The following ALMS1 variants were observed in gnomAD, a reference collection of about 807,000 sequenced individuals.
The protein encoded by ALMS1 is centrosome-associated protein ALMS1.
A neutral mutation model predicts 352.2 loss-of-function variants in ALMS1; 271 were observed. The ratio of observed to expected loss-of-function variants is 0.77; its 90% CI spans 0.70 to 0.85. The LOEUF (loss-of-function observed/expected upper bound fraction) is 0.85, where lower values mean the gene tolerates loss of function less well. ALMS1 is among the 40% of genes least tolerant of loss of function. ALMS1 has a pLI of 0.00. For synonymous variants in ALMS1, 1,865 were observed against 1,761.2 expected (o/e 1.06, Z -1.48); for missense variants, 5,445 against 4,870.7 (o/e 1.12, Z -3.51).
At chr2:73,454,409 T>C in intron 8 of ALMS1, 2 of 970,074 alleles carry the variant, frequency 2.1e-6, no homozygotes, top group Non-Finnish European at 2.5e-6. Flanking sequence ...CCTAAAGCTA[T>C]CACGTTTCTC....
chr2:73,464,135 A>G (rs1672271312), intron 9 of ALMS1, among the ~76,000 whole-genome samples: 1 of 152,198 alleles, frequency 6.6e-6, no homozygotes, highest in Admixed American at 6.5e-5. Context: ...AGGCAGAGAC[A>G]CAACCAAAAA....
intron 1 of ALMS1, among the ~76,000 whole-genome samples, chr2:73,391,017 C>T (rs544162846): frequency 7.2e-5 from 11 of 152,050 alleles, no homozygotes; most frequent in South Asian, 2.1e-4. Flanking sequence ...GTTATCCACC[C>T]GCCTCGGCCT....
intron 1 of ALMS1, 48 bp from the exon 2 acceptor site, chr2:73,408,574 C>T (rs1671015189): frequency 6.3e-7 from 1 of 1,590,646 alleles, no homozygotes; most frequent in Non-Finnish European, 8.6e-7. Context: ...GTTGTATAAT[C>T]ATAGTGATTG....
chr2:73,476,835 G>A (rs1009343606), intron 9 of ALMS1, among the ~76,000 whole-genome samples: 1 of 152,046 alleles, frequency 6.6e-6, no homozygotes. Context: ...GATACAGTGA[G>A]TCTTTGCCTC....
At chr2:73,522,100 C>T (rs1673693274) in intron 11 of ALMS1, among the ~76,000 whole-genome samples, 1 of 152,198 alleles carries the variant, frequency 6.6e-6, no homozygotes, top group African/African-American at 2.4e-5. Flanking sequence ...TTCCCCTAGA[C>T]AGGCAGTCCA....
rs1366215746 is a variant in ALMS1, at chr2:73,491,286, G to A, written c.9327G>A (p.Gln3109=). The change falls in exon 10 of 23, where the codon CAG becomes CAA. Residue 3109 remains glutamine (Q), a synonymous_variant. Coordinates refer to ENST00000613296, the MANE Select transcript of ALMS1 (RefSeq NM_001378454.1). The stretch of plus-strand genomic sequence containing the variant: ...TATTGACCAGTAAACCTGTAGCACA[G>A]GATCAAGAATCTTTAGGTTTTCTAG... ...SKLLTSKPVA[Q]DQESLGFLGP... is the part of the protein sequence containing the mutation. The A allele has an allele frequency of 1.2e-6, 2 of 1,614,028 alleles. No individual in the cohort carries two copies. The highest frequency in any genetic ancestry group is 1.7e-5 in the Admixed American group (1 of 60,000).
intron 10 of ALMS1, among the ~76,000 whole-genome samples, chr2:73,518,039 G>A (rs376699322): frequency 6.6e-6 from 1 of 150,654 alleles, no homozygotes; most frequent in African/African-American, 2.4e-5. Context: ...ATGGGGGTTT[G>A]TTTTACAGAT....
At chr2:73,575,097 A>G (rs943471461) in intron 16 of ALMS1, among the ~76,000 whole-genome samples, 1 of 152,226 alleles carries the variant, frequency 6.6e-6, no homozygotes, top group Non-Finnish European at 1.5e-5. Flanking sequence ...ACATGTATCA[A>G]TACTTCGTTG....
At chr2:73,596,104 A>C (rs1431096316) in intron 16 of ALMS1, among the ~76,000 whole-genome samples, 1 of 152,240 alleles carries the variant, frequency 6.6e-6, no homozygotes, top group East Asian at 1.9e-4. Flanking sequence ...TTAATACAGT[A>C]ATGATGAAGT....
chr2:73,491,658 T>G (rs1158129023), intron 10 of ALMS1, among the ~76,000 whole-genome samples, 160 bp downstream of exon 10: 1 of 152,064 alleles, frequency 6.6e-6, no homozygotes, highest in East Asian at 2.0e-4. Flanking sequence ...AATAAATGTG[T>G]TAAGTAAGAG....
chr2:73,556,994 G>T (rs755835528), intron 13 of ALMS1, among the ~76,000 whole-genome samples: 1 of 152,228 alleles, frequency 6.6e-6, no homozygotes, highest in South Asian at 2.1e-4. Context: ...GAGCCACCCC[G>T]CCCGGCTTTA....
chr2:73,543,883 G>T (rs189102771), intron 12 of ALMS1, among the ~76,000 whole-genome samples: 2,470 of 152,286 alleles, frequency 0.016, 67 homozygotes, highest in African/African-American at 0.056. Context: ...TGGAGAGGAG[G>T]TGGAGAAATA....
At chr2:73,529,184 C>G (rs757779878) in intron 11 of ALMS1, among the ~76,000 whole-genome samples, 5 of 151,786 alleles carry the variant, frequency 3.3e-5, no homozygotes, top group Non-Finnish European at 7.4e-5. Context: ...GCTGGAACTA[C>G]AGGGGTGCGC....
At chr2:73,539,173 C>T (rs934509613) in intron 12 of ALMS1, among the ~76,000 whole-genome samples, 6 of 152,224 alleles carry the variant, frequency 3.9e-5, no homozygotes, top group Non-Finnish European at 8.8e-5. Flanking sequence ...CCGGGTACTT[C>T]TCTGAGACAA....
chr2:73,453,960 C>G lies in ALMS1; in HGVS notation c.7433C>G (p.Ser2478Ter), dbSNP rs1303829798. 3.1e-6 allele frequency: 5 copies of G among 1,613,342 alleles called. No individual in the cohort carries two copies. Among genetic ancestry groups the G allele is most frequent in the East Asian group, 2.2e-5 (1 of 44,790 alleles). The stretch of plus-strand genomic sequence containing the variant: ...GATGGTGGTGGTAGCAGTGTAGATT[C>G]ACTGGCTGCACATGTGAAAAACCTT... ...SEDGGGSSVD[S>*]LAAHVKNLLQ... is the part of the protein sequence containing the mutation. Residue 2478 changes from serine (S) to a stop codon, truncating the protein, a stop_gained, in exon 8 of 23, where the codon TCA (serine) becomes TGA (stop). Transcript: ENST00000613296. LOFTEE classifies it high-confidence loss of function.
intron 21 of ALMS1, among the ~76,000 whole-genome samples, chr2:73,604,510 G>A (rs946014427): frequency 6.6e-6 from 1 of 152,172 alleles, no homozygotes; most frequent in African/African-American, 2.4e-5. Context: ...TTGGACACTT[G>A]CTTTAATAAG....
intron 10 of ALMS1, among the ~76,000 whole-genome samples, chr2:73,509,345 G>A (rs1395829919): frequency 1.3e-5 from 2 of 152,080 alleles, no homozygotes; most frequent in Non-Finnish European, 2.9e-5. Context: ...TCATAGTGTT[G>A]ATGGTCTTTA....
At chr2:73,564,465 C>CAAAAAAAA (rs367797062) in intron 15 of ALMS1, among the ~76,000 whole-genome samples, 3 of 63,360 alleles carry the variant, frequency 4.7e-5, no homozygotes, top group South Asian at 5.3e-4. Flanking sequence ...GACTCCGTCT[C>CAAAAAAAA]AAAAAAAAAA....
chr2:73,543,246 A>G (rs1269708185), intron 12 of ALMS1, among the ~76,000 whole-genome samples: 1 of 152,056 alleles, frequency 6.6e-6, no homozygotes, highest in Non-Finnish European at 1.5e-5. Context: ...GACAAACCTG[A>G]GAAAAACAAG....
Sources: gnomAD v4.1 joint callset for allele counts (sites outside exome capture counted in the v4.1 genomes callset) on GRCh38, gnomAD v4.1.1 for gene constraint, MANE v1.5 for transcripts, NCBI Gene and HGNC (gene_info 2026-07-23, HGNC 2026-07-21) for gene names.